Variants in PEX11A observed in about 807,000 individuals in gnomAD.
PEX11A encodes peroxisomal membrane protein 11A.
Under a neutral mutation model 14.4 loss-of-function variants are expected in PEX11A, and 13 were observed. The ratio of observed to expected loss-of-function variants is 0.90; its 90% CI spans 0.59 to 1.43. The LOEUF is 1.43. Ranked by LOEUF, PEX11A falls within the 40% of genes most tolerant of loss-of-function variation. PEX11A has a pLI of 0.00. For synonymous variants in PEX11A, 101 were observed against 113.0 expected, an observed-to-expected ratio of 0.89 and a Z score of 0.67; for missense variants, 290 against 302.8, an observed-to-expected ratio of 0.96 and a Z score of 0.31.
At chr15:89,684,693 A>G (rs1445009560) in intron 2 of PEX11A, among the ~76,000 whole-genome samples, 1 of 152,248 alleles carries the variant, frequency 6.6e-6, no homozygotes, top group Non-Finnish European at 1.5e-5. Context: ...GAATTAAATC[A>G]ACCATTGCAA....
rs1289815390 is a variant in PEX11A, at chr15:89,690,713, C to G, written c.-81G>C. The G allele has an allele frequency of 3.8e-6, 4 of 1,044,178 alleles. No individual in the cohort carries two copies. The highest frequency in any genetic ancestry group is 5.8e-6 in the Non-Finnish European group (4 of 694,156). 64.7% of individuals were successfully genotyped at this position (1,044,178 alleles called of 1,614,324 possible). On this transcript the variant is annotated 5_prime_UTR_variant, in exon 1 of 3. Transcript: ENST00000300056. ...GCCCGTCGGATCCCCAGGGAACGGT[C>G]AGTCCCAGGTTATCCGCTGAGGGGG...
chr15:89,690,542 G>C, intron 1 of PEX11A, 35 bp downstream of exon 1: 1 of 1,524,214 alleles, frequency 6.6e-7, no homozygotes, highest in Non-Finnish European at 8.9e-7. Flanking sequence ...GAGTTAGGGC[G>C]AGAAAGGGGC....
chr15:89,686,534 G>C lies in PEX11A; in HGVS notation c.69C>G (p.Tyr23Ter). 1 of 1,511,054 alleles carries C rather than the reference G, an allele frequency of 6.6e-7. No individual in the cohort carries two copies. Among genetic ancestry groups the C allele is most frequent in the Non-Finnish European group, 9.1e-7 (1 of 1,092,936 alleles). The allele number at this position is 1,511,054 out of a possible 1,614,324, so 93.6% of individuals were successfully genotyped here. A position where few individuals can be genotyped will look rare whatever the true frequency, so the allele number is the denominator to read the frequency against. The change falls in exon 2 of 3, where the codon TAC becomes TAG. Residue 23 changes from tyrosine (Y) to a stop codon, truncating the protein, a stop_gained. Transcript: ENST00000300056. LOFTEE classifies it high-confidence loss of function. ...GRDRLFRATQ[Y>*]TCMLLRYLLE... ...ACAAATATCTAAGCAACATGCATGT[G>C]TACTGAGTGGCTCTGAAATGGAAAA...
rs1323656438 is a variant in PEX11A, at chr15:89,686,439, C to T, written c.164G>A (p.Gly55Asp). 1.3e-6 allele frequency: 2 copies of T among 1,483,152 alleles called. No homozygotes were observed. Among genetic ancestry groups the T allele is most frequent in the African/African-American group, 2.8e-5 (2 of 72,280 alleles). 91.9% of individuals were successfully genotyped at this position (1,483,152 alleles called of 1,614,324 possible). A position where few individuals can be genotyped will look rare whatever the true frequency, so the allele number is the denominator to read the frequency against. Residue 55 changes from glycine (G) to aspartate (D), a missense_variant, in exon 2 of 3, where the codon GGT (glycine) becomes GAT (aspartate). Gly to Asp is a moderately conservative substitution (Grantham distance 94). Transcript: ENST00000300056. Reference protein sequence around the residue: ...LKKLESSVSTGRKWFRLGNVV... With the variant: ...LKKLESSVSTDRKWFRLGNVV... ...AGAAACAGGGTACTTACATTTACGA[C>T]CAGTGCTCACACTGGACTCCAGTTT... is the stretch of plus-strand genomic sequence containing the variant.
chr15:89,681,658 T>C lies in PEX11A; in HGVS notation c.*1719A>G, dbSNP rs1486086038. On this transcript the variant is annotated 3_prime_UTR_variant, in exon 3 of 3. Coordinates refer to ENST00000300056, the MANE Select transcript of PEX11A (RefSeq NM_003847.3). Reference sequence around the variant, plus strand: ...AGCTTTCATGTCTCTTAAAATTCCCTAAATTTTATTTCTCAAATCCCATAT... The same window carrying C: ...AGCTTTCATGTCTCTTAAAATTCCCCAAATTTTATTTCTCAAATCCCATAT... The C allele has an allele frequency of 1.8e-6, 1 of 550,430 alleles. No homozygotes were observed. Among genetic ancestry groups the C allele is most frequent in the Non-Finnish European group, 3.2e-6 (1 of 308,876 alleles). The allele number at this position is 550,430 out of a possible 1,614,324, so 34.1% of individuals were successfully genotyped here.
chr15:89,687,536 GA>G (rs1432884119), intron 1 of PEX11A, among the ~76,000 whole-genome samples: 1 of 152,148 alleles, frequency 6.6e-6, no homozygotes, highest in Non-Finnish European at 1.5e-5. Context: ...AAATGTAGGA[GA>G]AATTTTACAT....
chr15:89,683,960 A>T lies in PEX11A; in HGVS notation c.173-12T>A. On this transcript the variant is annotated splice_polypyrimidine_tract_variant and intron_variant, in intron 2 of 2. Transcript: ENST00000300056. ...GCCTAGTCTGAACCCTGCAAGTAGAACCCACAATAGTGAACAGTTATTTCA... is the reference window on the plus strand; with the variant it reads ...GCCTAGTCTGAACCCTGCAAGTAGATCCCACAATAGTGAACAGTTATTTCA... The T allele has an allele frequency of 6.4e-7, 1 of 1,566,738 alleles. No individual in the cohort carries two copies. Among genetic ancestry groups the T allele is most frequent in the Non-Finnish European group, 8.8e-7 (1 of 1,141,876 alleles).
rs1964639535 is a variant in PEX11A, at chr15:89,683,930, A to G, written c.191T>C (p.Val64Ala). 6.2e-7 allele frequency: 1 copy of G among 1,612,198 alleles called. No homozygotes were observed. Among genetic ancestry groups the G allele is most frequent in the Non-Finnish European group, 8.5e-7 (1 of 1,178,686 alleles). ...CTCAGTTGCCTGTATAGCATGTACC[A>G]CATTGCCTAGTCTGAACCCTGCAAG... ...TGRKWFRLGNVVHAIQATEQS... is the reference protein window; with the variant it reads ...TGRKWFRLGNAVHAIQATEQS... Residue 64 changes from valine to alanine, a missense_variant, in exon 3 of 3, where the codon GTG (valine) becomes GCG (alanine). Coordinates refer to ENST00000300056, the MANE Select transcript of PEX11A (RefSeq NM_003847.3).
At chr15:89,689,225 C>T (rs1195779643) in intron 1 of PEX11A, among the ~76,000 whole-genome samples, 1 of 44,220 alleles carries the variant, frequency 2.3e-5, no homozygotes, top group Non-Finnish European at 9.3e-5. Flanking sequence ...ATGTGAATCC[C>T]TCAGTTCTGC....
chr15:89,684,042 T>C (rs1964641473), intron 2 of PEX11A, 94 bp from the exon 3 acceptor site: 2 of 876,762 alleles, frequency 2.3e-6, no homozygotes, highest in East Asian at 2.4e-5. Flanking sequence ...CAGCTTTTTG[T>C]TGTTTTTTGT....
rs1407472437 is a variant in PEX11A at position 89,683,429 on chromosome 15, A to G, written c.692T>C (p.Ile231Thr). The change falls in exon 3 of 3, where the codon ATA becomes ACA. Residue 231 changes from isoleucine (I) to threonine (T), a missense_variant. By Grantham distance (89) the Ile-to-Thr change is moderately conservative. Coordinates refer to ENST00000300056, the MANE Select transcript of PEX11A (RefSeq NM_003847.3). ...IIGLGGLVSS[I>T]AGMITVAYPQ... ...ATATGCCACAGTGATCATGCCTGCT[A>G]TAGAGGACACAAGACCTCCAAGTCC... 6.2e-6 allele frequency: 10 copies of G among 1,614,022 alleles called. No individual in the cohort carries two copies. The highest frequency in any genetic ancestry group is 8.5e-6 in the Non-Finnish European group (10 of 1,179,988).
Position 89,681,844 on chromosome 15 carries a change from T to G in PEX11A, c.*1533A>C, listed in dbSNP as rs908848217. 1 of 270,146 alleles carries G rather than the reference T, an allele frequency of 3.7e-6. No individual in the cohort carries two copies. The highest frequency in any genetic ancestry group is 2.2e-5 in the African/African-American group (1 of 45,120). The allele number at this position is 270,146 out of a possible 1,614,324, so 16.7% of individuals were successfully genotyped here. A position where few individuals can be genotyped will look rare whatever the true frequency, so the allele number is the denominator to read the frequency against. On this transcript the variant is annotated 3_prime_UTR_variant, in exon 3 of 3. Transcript: ENST00000300056. ...GGAGGACTGACATCGGCCTCCTACC[T>G]GCTGGCATCCTATTTCTCTACCTCA...
At chr15:89,690,165 G>A (rs985884405) in intron 1 of PEX11A, among the ~76,000 whole-genome samples, 10 of 152,272 alleles carry the variant, frequency 6.6e-5, no homozygotes, top group East Asian at 1.9e-4. Context: ...CACACCAAGT[G>A]GTTTGCTTCC....
rs2141559572 is a variant in PEX11A, at chr15:89,690,742, G to A, written c.-110C>T. The A allele has an allele frequency of 1.4e-6, 1 of 691,914 alleles. No individual in the cohort carries two copies. The highest frequency in any genetic ancestry group is 2.4e-6 in the Non-Finnish European group (1 of 420,114). The allele number at this position is 691,914 out of a possible 1,614,324, so 42.9% of individuals were successfully genotyped here. On this transcript the variant is annotated 5_prime_UTR_variant, in exon 1 of 3. Transcript: ENST00000300056. ...CCCAGGTTATCCGCTGAGGGGGAGGGGCTGAGTCTCTCCGCCCCAGAGGGG... is the reference window on the plus strand; with the variant it reads ...CCCAGGTTATCCGCTGAGGGGGAGGAGCTGAGTCTCTCCGCCCCAGAGGGG...
At position 89,686,462 on chromosome 15, in the gene PEX11A, T is replaced by C. The variant is rs747492622; in HGVS notation, c.141A>G (p.Lys47=). The C allele has an allele frequency of 6.3e-7, 1 of 1,595,074 alleles. No homozygotes were observed. Among genetic ancestry groups the C allele is most frequent in the African/African-American group, 1.3e-5 (1 of 74,542 alleles). ...GKEKVVMKLK[K]LESSVSTGRK... ...GACCAGTGCTCACACTGGACTCCAG[T>C]TTCTTGAGCTTCATTACCACCTTCT... Residue 47 remains lysine (K), a synonymous_variant, in exon 2 of 3, where the codon AAA becomes AAG. Coordinates refer to ENST00000300056, the MANE Select transcript of PEX11A (RefSeq NM_003847.3).
chr15:89,690,541 C>G (rs1964813783), intron 1 of PEX11A, 36 bp downstream of exon 1: 2 of 1,518,374 alleles, frequency 1.3e-6, no homozygotes, highest in South Asian at 1.2e-5. Context: ...CGAGTTAGGG[C>G]GAGAAAGGGG....
rs1964633553 is a variant in PEX11A at position 89,683,719 on chromosome 15, G to T, written c.402C>A (p.Ser134Arg). The change falls in exon 3 of 3, where the codon AGC becomes AGA. Residue 134 changes from serine to arginine, a missense_variant. Coordinates refer to ENST00000300056, the MANE Select transcript of PEX11A (RefSeq NM_003847.3). ...AHHYYYSLLL[S>R]LVRDLYEISL... is the part of the protein sequence containing the mutation. ...AGATTTCATACAGATCCCTGACCAGGCTCAGCAGAAGAGAATAGTAGTAGT... is the reference window on the plus strand; with the variant it reads ...AGATTTCATACAGATCCCTGACCAGTCTCAGCAGAAGAGAATAGTAGTAGT... The T allele has an allele frequency of 1.2e-6, 2 of 1,613,852 alleles. No homozygotes were observed. The highest frequency in any genetic ancestry group is 1.6e-4 in the Middle Eastern group (1 of 6,084).
At chr15:89,686,739 G>A (rs1390068857) in intron 1 of PEX11A, among the ~76,000 whole-genome samples, 193 bp from the exon 2 acceptor site, 1 of 152,132 alleles carries the variant, frequency 6.6e-6, no homozygotes, top group Admixed American at 6.5e-5. Context: ...ACATGTCATG[G>A]AAATTTAACA....
rs1471574940 is a variant in PEX11A, at chr15:89,683,961, C to A, written c.173-13G>T. The A allele has an allele frequency of 6.4e-7, 1 of 1,555,284 alleles. No individual in the cohort carries two copies. The highest frequency in any genetic ancestry group is 1.4e-5 in the African/African-American group (1 of 73,824). ...CCTAGTCTGAACCCTGCAAGTAGAA[C>A]CCACAATAGTGAACAGTTATTTCAT... On this transcript the variant is annotated splice_polypyrimidine_tract_variant and intron_variant, in intron 2 of 2. Transcript: ENST00000300056.
Sources: gnomAD v4.1 joint callset for allele counts (sites outside exome capture counted in the v4.1 genomes callset) on GRCh38, gnomAD v4.1.1 for gene constraint, MANE v1.5 for transcripts, NCBI Gene and HGNC (gene_info 2026-07-23, HGNC 2026-07-21) for gene names.